Variants in FGGY observed in about 807,000 individuals in gnomAD.
The protein encoded by FGGY is FGGY carbohydrate kinase domain containing, also known as FGGY carbohydrate kinase domain-containing protein.
A neutral mutation model predicts 71.3 loss-of-function variants in FGGY; 72 were observed. The observed-to-expected ratio is 1.01, with a 90% CI of 0.84 to 1.23. The LOEUF (loss-of-function observed/expected upper bound fraction) is 1.23, where lower values mean the gene tolerates loss of function less well. FGGY is among the 50% of genes most tolerant of loss of function. The pLI, the probability that FGGY is intolerant of heterozygous loss-of-function variation, is 0.00. For missense variants in FGGY, 668 were observed against 682.3 expected (o/e 0.98, Z 0.23); for synonymous variants, 251 against 250.3 (o/e 1.00, Z -0.02).
At chr1:59,543,727 G>A (rs1343538253) in intron 7 of FGGY, among the ~76,000 whole-genome samples, 1 of 151,220 alleles carries the variant, frequency 6.6e-6, no homozygotes, top group Non-Finnish European at 1.5e-5. Flanking sequence ...TAGTTTAAAT[G>A]TTCTAAAGAA....
intron 8 of FGGY, among the ~76,000 whole-genome samples, chr1:59,580,045 G>A (rs1053329410): frequency 6.6e-6 from 1 of 152,060 alleles, no homozygotes; most frequent in Non-Finnish European, 1.5e-5. Flanking sequence ...TTAACTGCAT[G>A]CTTCACTCAC....
At chr1:59,392,623 A>G (rs1431856858) in intron 5 of FGGY, among the ~76,000 whole-genome samples, 2 of 152,144 alleles carry the variant, frequency 1.3e-5, no homozygotes, top group Non-Finnish European at 2.9e-5. Context: ...CAAACCTTAG[A>G]ATCCAACCCT....
At chr1:59,631,956 T>G (rs902895013) in intron 10 of FGGY, among the ~76,000 whole-genome samples, 4 of 152,186 alleles carry the variant, frequency 2.6e-5, no homozygotes, top group Non-Finnish European at 5.9e-5. Context: ...GGTTCTTAAC[T>G]AACAGTGTCT....
At chr1:59,664,474 C>T (rs978104823) in intron 12 of FGGY, among the ~76,000 whole-genome samples, 2 of 152,220 alleles carry the variant, frequency 1.3e-5, no homozygotes, top group Non-Finnish European at 2.9e-5. Flanking sequence ...AGGAAATGTG[C>T]TTTGTTTTAT....
In FGGY at chr1:59,531,390, AT is replaced by A. The variant is rs995856335; in HGVS notation, c.799+18960del. ...AATTTATTCACTTGCCATTTATTGA[AT>A]TTTTTTTTCTGGCAACAATGGGCTG... On this transcript the variant is annotated intron_variant, in intron 7 of 15. Transcript: ENST00000303721. 1.7e-4 allele frequency among the ~76,000 whole-genome samples: 26 copies of A among 151,716 alleles called. 1 individual carries two copies. The highest frequency in any genetic ancestry group is 2.2e-4 in the Non-Finnish European group (15 of 67,770).
Position 59,619,731 on chromosome 1 carries a change from A to T in FGGY, c.1012-6257A>T, listed in dbSNP as rs150371592. On this transcript the variant is annotated intron_variant, in intron 9 of 15. Coordinates refer to ENST00000303721, the MANE Select transcript of FGGY (RefSeq NM_018291.5). The stretch of plus-strand genomic sequence containing the variant: ...CTCAGTGAAATGGAAACCATTGGAG[A>T]ATAATGAGCGGAGGAGTGATGTGAT... 2.7e-3 allele frequency among the ~76,000 whole-genome samples: 413 copies of T among 152,146 alleles called. 3 individuals carry two copies. Among genetic ancestry groups the T allele is most frequent in the African/African-American group, 9.4e-3 (391 of 41,528 alleles).
rs367673801 is a variant in FGGY, at chr1:59,649,387, A to G, written c.1222-10832A>G. Among the ~76,000 whole-genome samples, 4 of 97,424 alleles carry G rather than the reference A, an allele frequency of 4.1e-5. No homozygotes were observed. In the East Asian group the frequency reaches 1.2e-3, roughly 30 times the overall value. 63.9% of individuals were successfully genotyped at this position (97,424 alleles called of 152,430 possible). A position where few individuals can be genotyped will look rare whatever the true frequency, so the allele number is the denominator to read the frequency against. The stretch of plus-strand genomic sequence containing the variant: ...TTGATTCTTCCTACCCATGAGCATG[A>G]AATGTTCTTCCATTTGTTTGTCTCC... On this transcript the variant is annotated intron_variant, in intron 11 of 15. Coordinates refer to ENST00000303721, the MANE Select transcript of FGGY (RefSeq NM_018291.5).
At chr1:59,652,132 T>C (rs1010072715) in intron 11 of FGGY, among the ~76,000 whole-genome samples, 32 of 152,224 alleles carry the variant, frequency 2.1e-4, no homozygotes, top group African/African-American at 7.5e-4. Context: ...GCCGTTAGTC[T>C]GATGGGCTTC....
chr1:59,602,682 C>T (rs1284468370), intron 8 of FGGY, among the ~76,000 whole-genome samples: 3 of 152,172 alleles, frequency 2.0e-5, no homozygotes, highest in African/African-American at 7.2e-5. Context: ...GGCTGCCCTT[C>T]CTCTCTGCCC....
rs565005305 is a variant in FGGY at position 59,449,071 on chromosome 1, AG to A, written c.555-7888del. On this transcript the variant is annotated intron_variant, in intron 5 of 15. Coordinates refer to ENST00000303721, the MANE Select transcript of FGGY (RefSeq NM_018291.5). ...TTTGCATTACATGTTTGCTAGTCCT[AG>A]GCCAAAACAAAAGGAGAAAAGATCT... Among the ~76,000 whole-genome samples the A allele has an allele frequency of 2.0e-3, 309 of 152,326 alleles. 1 individual carries two copies. Among genetic ancestry groups the A allele is most frequent in the African/African-American group, 7.1e-3 (296 of 41,566 alleles).
At chr1:59,411,951 TATA>T (rs1361239526) in intron 5 of FGGY, among the ~76,000 whole-genome samples, 4 of 152,230 alleles carry the variant, frequency 2.6e-5, no homozygotes, top group Non-Finnish European at 5.9e-5. Context: ...CTTCATGCAC[TATA>T]ATATGATTTC....
chr1:59,437,258 G>C (rs962508723), intron 5 of FGGY, among the ~76,000 whole-genome samples: 1 of 152,202 alleles, frequency 6.6e-6, no homozygotes, highest in Non-Finnish European at 1.5e-5. Context: ...CTAGATTGGT[G>C]TTTGGGAGCC....
rs554275612 is a variant in FGGY, at chr1:59,680,478, G to A, written c.1512+6345G>A. On this transcript the variant is annotated intron_variant, in intron 14 of 15. Coordinates refer to ENST00000303721, the MANE Select transcript of FGGY (RefSeq NM_018291.5). ...TTTTTTTTTTTTTAAGAGTTTTTTC[G>A]ACCCCTCCAGAAAAAAAAAAAAAAT... is the stretch of plus-strand genomic sequence containing the variant. Among the ~76,000 whole-genome samples the A allele has an allele frequency of 3.7e-4, 42 of 112,298 alleles. No homozygotes were observed. In the South Asian group the frequency reaches 8.6e-3, roughly 23 times the overall value. 73.7% of individuals were successfully genotyped at this position (112,298 alleles called of 152,430 possible).
chr1:59,612,472 G>A (rs944491032), intron 9 of FGGY, among the ~76,000 whole-genome samples: 1 of 152,234 alleles, frequency 6.6e-6, no homozygotes, highest in East Asian at 1.9e-4. Flanking sequence ...CACCAGGCCT[G>A]CCCTAAAAGA....
chr1:59,672,295 A>C (rs2097386709), intron 13 of FGGY, among the ~76,000 whole-genome samples: 1 of 152,196 alleles, frequency 6.6e-6, no homozygotes, highest in Admixed American at 6.5e-5. Context: ...CATCTACCTG[A>C]ATTCTAACAG....
intron 4 of FGGY, among the ~76,000 whole-genome samples, chr1:59,351,660 T>C (rs1242284280): frequency 6.6e-6 from 1 of 152,166 alleles, no homozygotes; most frequent in East Asian, 1.9e-4. Context: ...AATAAGGGGC[T>C]GTTACAGTAC....
At chr1:59,685,845 C>A (rs1251315158) in intron 14 of FGGY, among the ~76,000 whole-genome samples, 1 of 152,192 alleles carries the variant, frequency 6.6e-6, no homozygotes, top group Non-Finnish European at 1.5e-5. Flanking sequence ...GCCTCAAACA[C>A]CTGTTCAAGC....
At chr1:59,403,638 A>T (rs2062292581) in intron 5 of FGGY, among the ~76,000 whole-genome samples, 1 of 152,230 alleles carries the variant, frequency 6.6e-6, no homozygotes, top group Non-Finnish European at 1.5e-5. Context: ...AAGCAGAGGC[A>T]TGAAAGACCT....
intron 6 of FGGY, among the ~76,000 whole-genome samples, chr1:59,476,086 A>C (rs2093253050): frequency 6.6e-6 from 1 of 152,052 alleles, no homozygotes; most frequent in Non-Finnish European, 1.5e-5. Context: ...TTTTGCGTTA[A>C]CTCTGCCTTC....
Sources: gnomAD v4.1 joint callset for allele counts (sites outside exome capture counted in the v4.1 genomes callset) on GRCh38, gnomAD v4.1.1 for gene constraint, MANE v1.5 for transcripts, NCBI Gene and HGNC (gene_info 2026-07-23, HGNC 2026-07-21) for gene names.